FLG: variants seen among roughly 807,000 people sequenced by gnomAD.
FLG encodes the protein filaggrin.
A neutral mutation model predicts 3.8 loss-of-function variants in FLG; 6 were observed. That is an observed-to-expected ratio of 1.60 (90% CI 0.87 to 3.15). The LOEUF is 3.15. Among genes scored for constraint, FLG ranks in the 30% most tolerant of loss-of-function variants. The pLI is 0.00. For synonymous variants in FLG, 2,551 were observed against 1,931.6 expected (o/e 1.32, Z -8.41); for missense variants, 7,595 against 5,050.9 (o/e 1.50, Z -15.27).
Position 152,312,145 on chromosome 1 carries a change from T to C in FLG, c.2741A>G (p.His914Arg). ...DGSRHSGSRH[H>R]EASSHADISR... Reference sequence around the variant, plus strand: ...GATGTCGGCATGAGAGGAAGCTTCATGGTGACGTGACCCTGAGTGCCTGGA... The same window carrying C: ...GATGTCGGCATGAGAGGAAGCTTCACGGTGACGTGACCCTGAGTGCCTGGA... The change falls in exon 3 of 3, where the codon CAT becomes CGT. Residue 914 changes from histidine to arginine, a missense_variant. By Grantham distance (29) the His-to-Arg change is conservative. Transcript: ENST00000368799. 6.2e-7 allele frequency: 1 copy of C among 1,613,988 alleles called. No individual in the cohort carries two copies. Among genetic ancestry groups the C allele is most frequent in the Non-Finnish European group, 8.5e-7 (1 of 1,180,000 alleles).
chr1:152,303,745 A>G lies in FLG; in HGVS notation c.11141T>C (p.Val3714Ala), dbSNP rs778599142. 6.2e-7 allele frequency: 1 copy of G among 1,613,578 alleles called. No individual in the cohort carries two copies. The highest frequency in any genetic ancestry group is 1.1e-5 in the South Asian group (1 of 91,020). The change falls in exon 3 of 3, where the codon GTG becomes GCG. Residue 3714 changes from valine to alanine, a missense_variant. By Grantham distance (64) the Val-to-Ala change is moderately conservative. Transcript: ENST00000368799. ...AGACTCAGACTGTTCATGAGTGCTC[A>G]CCTGGTAGAGGAAAGACCCTGAACG... ...SGRSGSFLYQ[V>A]STHEQSESAH...
Position 152,310,890 on chromosome 1 carries a change from A to T in FLG, c.3996T>A (p.His1332Gln). The T allele has an allele frequency of 6.2e-7, 1 of 1,613,874 alleles. No homozygotes were observed. The highest frequency in any genetic ancestry group is 8.5e-7 in the Non-Finnish European group (1 of 1,179,970). ...GTCCATGAGAGGAAGACTCTGTGTG[A>T]TGAGTGCCTGATTGTCTGGAGCTGT... ...SADSSRQSGTHHTESSSHGQA... is the reference protein window; with the variant it reads ...SADSSRQSGTQHTESSSHGQA... The change falls in exon 3 of 3, where the codon CAT (histidine) becomes CAA (glutamine). Residue 1332 changes from histidine to glutamine, a missense_variant. Coordinates refer to ENST00000368799, the MANE Select transcript of FLG (RefSeq NM_002016.2).
chr1:152,306,321 C>G lies in FLG; in HGVS notation c.8565G>C (p.Gly2855=). The change falls in exon 3 of 3, where the codon GGG becomes GGC. Residue 2855 remains glycine (G), a synonymous_variant. Transcript: ENST00000368799. The part of the protein sequence containing the change: ...EQSGDGSRHS[G]SRHHEASTHA... Reference sequence around the variant, plus strand: ...GAGTGGAAGCTTCATGGTGACGCGACCCTGAGTGCCTGGAGCCGTCTCCTG... The same window carrying G: ...GAGTGGAAGCTTCATGGTGACGCGAGCCTGAGTGCCTGGAGCCGTCTCCTG... The G allele has an allele frequency of 6.2e-7, 1 of 1,602,770 alleles. No individual in the cohort carries two copies. Among genetic ancestry groups the G allele is most frequent in the Admixed American group, 1.7e-5 (1 of 59,880 alleles).
rs1357825990 is a variant in FLG at position 152,308,683 on chromosome 1, T to C, written c.6203A>G (p.His2068Arg). 1.9e-6 allele frequency: 3 copies of C among 1,614,042 alleles called. No individual in the cohort carries two copies. Among genetic ancestry groups the C allele is most frequent in the Non-Finnish European group, 2.5e-6 (3 of 1,180,032 alleles). Residue 2068 changes from histidine (H) to arginine (R), a missense_variant, in exon 3 of 3, where the codon CAT becomes CGT. Physicochemically the swap from His to Arg is conservative, Grantham distance 29. Transcript: ENST00000368799. ...TGCGGACTCTTTGTGGCTCTGCTGA[T>C]GGGGCCCAGCTTTTCCCTGTGCTGA... Reference protein sequence around the residue: ...SVSAQGKAGPHQQSHKESARG... With the variant: ...SVSAQGKAGPRQQSHKESARG...
chr1:152,314,713 A>T lies in FLG; in HGVS notation c.173T>A (p.Met58Lys). 1 of 1,613,974 alleles carries T rather than the reference A, an allele frequency of 6.2e-7. No homozygotes were observed. The highest frequency in any genetic ancestry group is 2.2e-5 in the East Asian group (1 of 44,862). ...PDDPDMVDVF[M>K]DHLDIDHNKK... ...GTTGTGGTCTATATCCAAGTGATCC[A>T]TGAAGACATCAACCATATCTGGGTC... Residue 58 changes from methionine (M) to lysine (K), a missense_variant, in exon 3 of 3, where the codon ATG becomes AAG. Met to Lys is a moderately conservative substitution (Grantham distance 95, BLOSUM62 -1). Transcript: ENST00000368799.
chr1:152,319,127 A>G (rs953713999), intron 1 of FLG, among the ~76,000 whole-genome samples: 2 of 151,660 alleles, frequency 1.3e-5, no homozygotes, highest in African/African-American at 4.8e-5. Flanking sequence ...ATAAAGTCAG[A>G]GATACAGACG....
rs1651692779 is a variant in FLG at position 152,302,861 on chromosome 1, T to C, written c.12025A>G (p.Lys4009Glu). 2 of 1,614,098 alleles carry C rather than the reference T, an allele frequency of 1.2e-6. No homozygotes were observed. Among genetic ancestry groups the C allele is most frequent in the Non-Finnish European group, 1.7e-6 (2 of 1,180,046 alleles). Reference sequence around the variant, plus strand: ...GCTTTACAGATATCAGATCTTTCCTTGAAAACAACAGGATTGGAATTGTAA... The same window carrying C: ...GCTTTACAGATATCAGATCTTTCCTCGAAAACAACAGGATTGGAATTGTAA... Reference protein sequence around the residue: ...VSYNSNPVVFKERSDICKASA... With the variant: ...VSYNSNPVVFEERSDICKASA... The change falls in exon 3 of 3, where the codon AAG becomes GAG. Residue 4009 changes from lysine (K) to glutamate (E), a missense_variant. Coordinates refer to ENST00000368799, the MANE Select transcript of FLG (RefSeq NM_002016.2).
At position 152,311,948 on chromosome 1, in the gene FLG, G is replaced by T. The variant is rs12756586; in HGVS notation, c.2938C>A (p.His980Asn). The T allele has an allele frequency of 1.1e-4, 168 of 1,595,994 alleles. No individual in the cohort carries two copies. In the African/African-American group the frequency reaches 2.3e-3, roughly 22 times the overall value. The change falls in exon 3 of 3, where the codon CAT becomes AAT. Residue 980 changes from histidine to asparagine, a missense_variant. His to Asn is a moderately conservative substitution (Grantham distance 68). Transcript: ENST00000368799. Reference sequence around the variant, plus strand: ...TGGGACCTGGGGTGTCTGGAGCCATGTCTTGACTGCTCCTGAGCAGATCCA... The same window carrying T: ...TGGGACCTGGGGTGTCTGGAGCCATTTCTTGACTGCTCCTGAGCAGATCCA... ...HRGSAQEQSRHGSRHPRSHHE... is the reference protein window; with the variant it reads ...HRGSAQEQSRNGSRHPRSHHE...
chr1:152,308,297 C>T lies in FLG; in HGVS notation c.6589G>A (p.Glu2197Lys), dbSNP rs1652125757. ...RSASRKTYDK[E>K]QSGDGSRHSG... The stretch of plus-strand genomic sequence containing the variant: ...TGCCTAGAGCCATCTCCTGATTGTT[C>T]CTTGTCATATGTTTTTCTGCTTGCA... The change falls in exon 3 of 3, where the codon GAA becomes AAA. Residue 2197 changes from glutamate to lysine, a missense_variant. Coordinates refer to ENST00000368799, the MANE Select transcript of FLG (RefSeq NM_002016.2). The T allele has an allele frequency of 3.7e-6, 6 of 1,613,492 alleles. No homozygotes were observed. Among genetic ancestry groups the T allele is most frequent in the African/African-American group, 1.3e-5 (1 of 74,886 alleles).
Position 152,307,504 on chromosome 1 carries a change from G to T in FLG, c.7382C>A (p.Thr2461Asn), listed in dbSNP as rs1557874274. 1 of 1,613,522 alleles carries T rather than the reference G, an allele frequency of 6.2e-7. No individual in the cohort carries two copies. The highest frequency in any genetic ancestry group is 8.5e-7 in the Non-Finnish European group (1 of 1,179,820). Residue 2461 changes from threonine (T) to asparagine (N), a missense_variant, in exon 3 of 3, where the codon ACC becomes AAC. Thr to Asn is a moderately conservative substitution (Grantham distance 65). Transcript: ENST00000368799. Reference sequence around the variant, plus strand: ...GCTTGACCCCGGGTGTCCATGAATGGTGTCCTGACCCTCTTGGGACGTTGA... The same window carrying T: ...GCTTGACCCCGGGTGTCCATGAATGTTGTCCTGACCCTCTTGGGACGTTGA... ...RHSTSQEGQD[T>N]IHGHPGSSSG... is the part of the protein sequence containing the mutation.
rs36006086 is a variant in FLG at position 152,309,215 on chromosome 1, G to A, written c.5671C>T (p.Arg1891Trp). The part of the protein sequence containing the change: ...SGSRHHEASS[R>W]ADSSRHSQVG... ...TGCGAGTGTCTAGAGCTGTCGGCCC[G>A]AGAGGAAGCTTCATGGTGACGCGAC... is the stretch of plus-strand genomic sequence containing the variant. Residue 1891 changes from arginine to tryptophan, a missense_variant, in exon 3 of 3, where the codon CGG becomes TGG. By Grantham distance (101) the Arg-to-Trp change is moderately radical. Transcript: ENST00000368799. 38,761 of 1,613,496 alleles carry A rather than the reference G, an allele frequency of 0.024. 700 individuals carry two copies. The highest frequency in any genetic ancestry group is 0.055 in the South Asian group (5,028 of 91,046).
At position 152,309,037 on chromosome 1, in the gene FLG, G is replaced by T. The variant is rs200402044; in HGVS notation, c.5849C>A (p.Ser1950Ter). ...CCCAGGGTGTCTGGAGCCATCTCTT[G>T]ACTGCTCCCAAGCAGATCCAAGATG... The part of the protein sequence containing the change: ...RNHLGSAWEQ[S>*]RDGSRHPGSH... The change falls in exon 3 of 3, where the codon TCA (serine) becomes TAA (stop). Residue 1950 changes from serine to a stop codon, truncating the protein, a stop_gained. Transcript: ENST00000368799. LOFTEE classifies it low-confidence loss of function (END_TRUNC). The T allele has an allele frequency of 6.2e-7, 1 of 1,614,160 alleles. No homozygotes were observed. The highest frequency in any genetic ancestry group is 8.5e-7 in the Non-Finnish European group (1 of 1,180,014).
Position 152,312,692 on chromosome 1 carries a change from A to G in FLG, c.2194T>C (p.Ser732Pro). The change falls in exon 3 of 3, where the codon TCT becomes CCT. Residue 732 changes from serine (S) to proline (P), a missense_variant. By Grantham distance (74) the Ser-to-Pro change is moderately conservative (BLOSUM62 -1). Coordinates refer to ENST00000368799, the MANE Select transcript of FLG (RefSeq NM_002016.2). ...HSGTGHGQAS[S>P]AVRDSGHRGS... ...CGGTGTCCACTGTCTCTGACTGCAG[A>G]TGAAGCTTGTCCGTGCCCAGTGCCT... 8 of 1,613,844 alleles carry G rather than the reference A, an allele frequency of 5.0e-6. No individual in the cohort carries two copies. The highest frequency in any genetic ancestry group is 1.1e-5 in the South Asian group (1 of 91,048).
Position 152,310,024 on chromosome 1 carries a change from G to T in FLG, c.4862C>A (p.Ser1621Tyr), listed in dbSNP as rs184838337. The change falls in exon 3 of 3, where the codon TCT (serine) becomes TAT (tyrosine). Residue 1621 changes from serine to tyrosine, a missense_variant. Transcript: ENST00000368799. Reference protein sequence around the residue: ...SESASRNHYGSAREQSRHGSR... With the variant: ...SESASRNHYGYAREQSRHGSR... ...GCCATGTCTTGACTGCTCCCGAGCA[G>T]ATCCATAATGGTTTCTGGAAGCCGA... 39 of 1,613,806 alleles carry T rather than the reference G, an allele frequency of 2.4e-5. No individual in the cohort carries two copies. The Admixed American group carries it at 6.0e-4, about 25-fold the overall frequency.
In FLG at chr1:152,313,406, C is replaced by T. The variant is rs1326637551; in HGVS notation, c.1480G>A (p.Gly494Arg). The change falls in exon 3 of 3, where the codon GGA becomes AGA. Residue 494 changes from glycine to arginine, a missense_variant. Gly to Arg is a moderately radical substitution (Grantham distance 125). Coordinates refer to ENST00000368799, the MANE Select transcript of FLG (RefSeq NM_002016.2). ...RTGTSTGGRQ[G>R]SHHEQARDSS... is the part of the protein sequence containing the mutation. ...TCTCGTGCCTGCTCGTGGTGCGATC[C>T]TTGTCTTCCTCCAGTGCTGGTCCCG... 5.0e-6 allele frequency: 8 copies of T among 1,613,694 alleles called. No individual in the cohort carries two copies. Among genetic ancestry groups the T allele is most frequent in the Middle Eastern group, 1.6e-4 (1 of 6,080 alleles).
rs757922040 is a variant in FLG at position 152,313,523 on chromosome 1, G to T, written c.1363C>A (p.Arg455Ser). The change falls in exon 3 of 3, where the codon CGT becomes AGT. Residue 455 changes from arginine to serine, a missense_variant. Arg to Ser is a moderately radical substitution (Grantham distance 110). Transcript: ENST00000368799. The stretch of plus-strand genomic sequence containing the variant: ...CCAGACCGTTCCCCTGACCGGCCAC[G>T]TGTGGACTCTTGGTGGCTCTGCTGT... Reference protein sequence around the residue: ...LRQQSHQESTRGRSGERSGRS... With the variant: ...LRQQSHQESTSGRSGERSGRS... 14 of 1,613,826 alleles carry T rather than the reference G, an allele frequency of 8.7e-6. No homozygotes were observed. The East Asian group carries it at 1.6e-4, about 18-fold the overall frequency.
intron 2 of FLG, chr1:152,315,025 C>G (rs552075786): frequency 2.4e-6 from 1 of 422,148 alleles, no homozygotes; most frequent in African/African-American, 2.0e-5. Context: ...TTGTCTTTAA[C>G]AAAAATCCCC....
In FLG at chr1:152,304,555, C is replaced by A. The variant is rs761849199; in HGVS notation, c.10331G>T (p.Gly3444Val). ...IRGHPGSSRR[G>V]RQGSHYEQSV... is the part of the protein sequence containing the mutation. ...TTGCTCGTAGTGGGATCCCTGCCTT[C>A]CTCTTCTGCTTGACCCCGGGTGTCC... is the stretch of plus-strand genomic sequence containing the variant. The change falls in exon 3 of 3, where the codon GGA becomes GTA. Residue 3444 changes from glycine (G) to valine (V), a missense_variant. Physicochemically the swap from Gly to Val is moderately radical, Grantham distance 109. Coordinates refer to ENST00000368799, the MANE Select transcript of FLG (RefSeq NM_002016.2). 12 of 1,609,810 alleles carry A rather than the reference C, an allele frequency of 7.5e-6. No individual in the cohort carries two copies. The South Asian group carries it at 9.9e-5, about 13-fold the overall frequency.
Position 152,310,356 on chromosome 1 carries a change from A to T in FLG, c.4530T>A (p.Asp1510Glu). 6.2e-6 allele frequency: 10 copies of T among 1,613,634 alleles called. No individual in the cohort carries two copies. Among genetic ancestry groups the T allele is most frequent in the Non-Finnish European group, 8.5e-6 (10 of 1,179,932 alleles). The change falls in exon 3 of 3, where the codon GAT (aspartate) becomes GAA (glutamate). Residue 1510 changes from aspartate to glutamate, a missense_variant. Transcript: ENST00000368799. Reference protein sequence around the residue: ...RQGSYHEQSVDRSGHSGYHHS... With the variant: ...RQGSYHEQSVERSGHSGYHHS... Reference sequence around the variant, plus strand: ...GATGGTACCCTGAGTGTCCAGACCTATCTACTGATTGCTCGTGGTAGGATC... The same window carrying T: ...GATGGTACCCTGAGTGTCCAGACCTTTCTACTGATTGCTCGTGGTAGGATC...
Sources: allele counts gnomAD v4.1 joint callset (sites outside exome capture counted in the v4.1 genomes callset), GRCh38; gene constraint gnomAD v4.1.1; transcripts MANE v1.5; gene names NCBI Gene and HGNC (gene_info 2026-07-23, HGNC 2026-07-21).